CCSAP: variants seen among roughly 807,000 people sequenced by gnomAD.
The protein encoded by CCSAP is centriole, cilia and spindle-associated protein.
Under a neutral mutation model 25.9 loss-of-function variants are expected in CCSAP, and 17 were observed. The observed-to-expected ratio is 0.66, with a 90% CI of 0.45 to 0.99. CCSAP has a LOEUF of 0.99. Among genes scored for constraint, CCSAP ranks in the 50% least tolerant of loss-of-function variants. The pLI is 0.00. For synonymous variants in CCSAP, 169 were observed against 157.1 expected (o/e 1.08, Z -0.57); for missense variants, 339 against 367.8 (o/e 0.92, Z 0.64).
rs1360945024 is a variant in CCSAP, at chr1:229,326,879, T to C, written c.495A>G (p.Lys165=). 6.2e-7 allele frequency: 1 copy of C among 1,614,216 alleles called. No individual in the cohort carries two copies. Among genetic ancestry groups the C allele is most frequent in the South Asian group, 1.1e-5 (1 of 91,090 alleles). ...ATGATCTTTGGGGACTTTTGACCGC[T>C]TTCCTGTTTCCTCTAGCAAATAAGG... ...PSALFARGNR[K]AVKSPQRSSS... Residue 165 remains lysine, a synonymous_variant, in exon 3 of 4, where the codon AAA becomes AAG. Transcript: ENST00000284617.
intron 2 of CCSAP, among the ~76,000 whole-genome samples, chr1:229,331,270 C>G (rs1211205857): frequency 6.6e-6 from 1 of 152,004 alleles, no homozygotes; most frequent in African/African-American, 2.4e-5. Context: ...AGCAAAAGGC[C>G]TGAAATCCAA....
Position 229,342,618 on chromosome 1 carries a change from G to C in CCSAP, c.-48-105C>G. On this transcript the variant is annotated intron_variant, in intron 1 of 3. Transcript: ENST00000284617. This position sits in a 1 kb window ranked among gnomAD's most constrained non-coding sequence, Gnocchi z 7.5. ...CCCGCCCGGACGGGAGCAGGGGGCG[G>C]GTCCCGGCGAGGGCGGGGAGGGGGC... 1 of 470,560 alleles carries C rather than the reference G, an allele frequency of 2.1e-6. No homozygotes were observed. Among genetic ancestry groups the C allele is most frequent in the Non-Finnish European group, 3.4e-6 (1 of 297,168 alleles). 29.1% of individuals were successfully genotyped at this position (470,560 alleles called of 1,614,324 possible).
intron 2 of CCSAP, among the ~76,000 whole-genome samples, chr1:229,337,678 A>AAAAAAAAAAAAAAATATATATAT: frequency 1.5e-5 from 1 of 65,512 alleles, no homozygotes; most frequent in Admixed American, 1.9e-4. Context: ...CTCAAAAAAA[A>AAAAAAAAAAAAAAATATATATAT]ATATATATAT....
intron 2 of CCSAP, among the ~76,000 whole-genome samples, chr1:229,329,944 T>C (rs939597249): frequency 6.6e-6 from 1 of 151,792 alleles, no homozygotes; most frequent in African/African-American, 2.4e-5. Context: ...TGAGCCGAGA[T>C]TGCACCATTG....
At chr1:229,341,331 C>G (rs977402947) in intron 2 of CCSAP, among the ~76,000 whole-genome samples, 1 of 152,158 alleles carries the variant, frequency 6.6e-6, no homozygotes, top group Admixed American at 6.5e-5. Context: ...TTTCCTCACT[C>G]GAGCCTTTTT....
intron 2 of CCSAP, among the ~76,000 whole-genome samples, chr1:229,329,863 C>T (rs564859957): frequency 9.2e-5 from 14 of 152,242 alleles, no homozygotes; most frequent in Admixed American, 3.3e-4. Flanking sequence ...TGGTGGTACA[C>T]GCCTGTGATC....
At chr1:229,336,779 C>T (rs1169113151) in intron 2 of CCSAP, among the ~76,000 whole-genome samples, 2 of 152,020 alleles carry the variant, frequency 1.3e-5, no homozygotes, top group East Asian at 3.8e-4. Context: ...TATTTCTGGC[C>T]TTTTTCTTTT....
intron 3 of CCSAP, among the ~76,000 whole-genome samples, chr1:229,325,733 A>G (rs1037325903): frequency 4.6e-5 from 7 of 152,284 alleles, no homozygotes; most frequent in African/African-American, 9.6e-5. Flanking sequence ...AGCATTAAAC[A>G]TAAGTATTTA....
Position 229,342,212 on chromosome 1 carries a change from ACGG to A in CCSAP, c.251_253del (p.Pro84_Val85delinsLeu). 8.0e-7 allele frequency: 1 copy of A among 1,253,574 alleles called. No individual in the cohort carries two copies. The highest frequency in any genetic ancestry group is 1.0e-6 in the Non-Finnish European group (1 of 1,001,556). The allele number at this position is 1,253,574 out of a possible 1,614,324, so 77.7% of individuals were successfully genotyped here. A position where few individuals can be genotyped will look rare whatever the true frequency, so the allele number is the denominator to read the frequency against. ...CGCCTCCTCCTGGGTCGCCGGCTCT[ACGG>A]GCGGCGGGGGCGAGGGCGGGGCGCA... On this transcript the variant is annotated inframe_deletion, in exon 2 of 4. Coordinates refer to ENST00000284617, the MANE Select transcript of CCSAP (RefSeq NM_145257.5). The surrounding 1 kb of genome is among the most constrained non-coding windows in gnomAD (Gnocchi z 7.5).
chr1:229,328,838 C>T (rs562633800), intron 2 of CCSAP, among the ~76,000 whole-genome samples: 2 of 152,320 alleles, frequency 1.3e-5, no homozygotes, highest in South Asian at 4.1e-4. Context: ...TCTAGCAAAC[C>T]ATTACATTTA....
At chr1:229,329,511 G>A (rs1437156898) in intron 2 of CCSAP, among the ~76,000 whole-genome samples, 1 of 152,140 alleles carries the variant, frequency 6.6e-6, no homozygotes, top group Non-Finnish European at 1.5e-5. Context: ...TTTTATCTTG[G>A]AGATGAAGAA....
chr1:229,323,556 A>T lies in CCSAP; in HGVS notation c.*1679T>A, dbSNP rs1174337214. The T allele has an allele frequency of 6.6e-6, 1 of 152,250 alleles. No individual in the cohort carries two copies. Among genetic ancestry groups the T allele is most frequent in the African/African-American group, 2.4e-5 (1 of 41,468 alleles). 9.4% of individuals were successfully genotyped at this position (152,250 alleles called of 1,614,324 possible). A position where few individuals can be genotyped will look rare whatever the true frequency, so the allele number is the denominator to read the frequency against. ...GGTACCTGTGTCGTTTAAAGACTTT[A>T]ATAATAGTTAATACCAAAATTCACC... On this transcript the variant is annotated 3_prime_UTR_variant, in exon 4 of 4. Coordinates refer to ENST00000284617, the MANE Select transcript of CCSAP (RefSeq NM_145257.5).
At position 229,322,107 on chromosome 1, in the gene CCSAP, C is replaced by A. The variant is rs536231017; in HGVS notation, c.*3128G>T. 1.6e-4 allele frequency: 24 copies of A among 152,294 alleles called. No individual in the cohort carries two copies. Among genetic ancestry groups the A allele is most frequent in the African/African-American group, 5.8e-4 (24 of 41,566 alleles). The allele number at this position is 152,294 out of a possible 1,614,324, so 9.4% of individuals were successfully genotyped here. A position where few individuals can be genotyped will look rare whatever the true frequency, so the allele number is the denominator to read the frequency against. ...TAAGGGAGGCCTGGAACCAATGCCCCATGGATACTGAGAGGCGACTGTACC... is the reference window on the plus strand; with the variant it reads ...TAAGGGAGGCCTGGAACCAATGCCCAATGGATACTGAGAGGCGACTGTACC... On this transcript the variant is annotated 3_prime_UTR_variant, in exon 4 of 4. Transcript: ENST00000284617.
At chr1:229,329,951 A>G (rs1446848943) in intron 2 of CCSAP, among the ~76,000 whole-genome samples, 1 of 152,152 alleles carries the variant, frequency 6.6e-6, no homozygotes, top group Non-Finnish European at 1.5e-5. Context: ...AGATTGCACC[A>G]TTGCACTCCA....
At position 229,342,371 on chromosome 1, in the gene CCSAP, T is replaced by C; in HGVS notation, c.95A>G (p.His32Arg). The C allele has an allele frequency of 6.6e-7, 1 of 1,509,048 alleles. No homozygotes were observed. Among genetic ancestry groups the C allele is most frequent in the Non-Finnish European group, 8.9e-7 (1 of 1,127,154 alleles). The allele number at this position is 1,509,048 out of a possible 1,614,324, so 93.5% of individuals were successfully genotyped here. ...EYGPCYRELL[H>R]YRLGRRLLEQ... ...CAGCAGCCGGCGGCCTAGGCGGTAG[T>C]GCAGCAGCTCGCGGTAGCACGGCCC... Residue 32 changes from histidine to arginine, a missense_variant, in exon 2 of 4, where the codon CAC becomes CGC. Coordinates refer to ENST00000284617, the MANE Select transcript of CCSAP (RefSeq NM_145257.5). This position sits in a 1 kb window ranked among gnomAD's most constrained non-coding sequence, Gnocchi z 7.5.
At position 229,342,053 on chromosome 1, in the gene CCSAP, C is replaced by T; in HGVS notation, c.367+46G>A. The T allele has an allele frequency of 2.3e-6, 3 of 1,299,722 alleles. No homozygotes were observed. The highest frequency in any genetic ancestry group is 2.9e-5 in the South Asian group (1 of 34,062). 80.5% of individuals were successfully genotyped at this position (1,299,722 alleles called of 1,614,324 possible). ...TCAGCTGCTCAGAGCTTAGAGCAAACCGTCCCTGCGTGCAGGCCCCTCGCG... is the reference window on the plus strand; with the variant it reads ...TCAGCTGCTCAGAGCTTAGAGCAAATCGTCCCTGCGTGCAGGCCCCTCGCG... On this transcript the variant is annotated intron_variant, in intron 2 of 3. Transcript: ENST00000284617. The surrounding 1 kb of genome is among the most constrained non-coding windows in gnomAD (Gnocchi z 7.5).
chr1:229,340,922 A>C (rs1454441931), intron 2 of CCSAP, among the ~76,000 whole-genome samples: 1 of 152,150 alleles, frequency 6.6e-6, no homozygotes, highest in Non-Finnish European at 1.5e-5. Context: ...AGGGCCGGGC[A>C]TGGTGGCTCA....
rs1658366036 is a variant in CCSAP, at chr1:229,342,576, A to G, written c.-48-63T>C. On this transcript the variant is annotated intron_variant, in intron 1 of 3. Transcript: ENST00000284617. This position sits in a 1 kb window ranked among gnomAD's most constrained non-coding sequence, Gnocchi z 7.5. ...CCCTCCGCCGGCCCTGCCCGCCGCG[A>G]CGTTTAAACCCGGAGCCCCGCCCGG... The G allele has an allele frequency of 1.4e-6, 1 of 714,734 alleles. No individual in the cohort carries two copies. Among genetic ancestry groups the G allele is most frequent in the Admixed American group, 4.4e-5 (1 of 22,608 alleles). The allele number at this position is 714,734 out of a possible 1,614,324, so 44.3% of individuals were successfully genotyped here. A position where few individuals can be genotyped will look rare whatever the true frequency, so the allele number is the denominator to read the frequency against.
chr1:229,337,678 A>AAAATATATATAT, intron 2 of CCSAP, among the ~76,000 whole-genome samples: 1 of 65,548 alleles, frequency 1.5e-5, no homozygotes, highest in African/African-American at 6.0e-5. Flanking sequence ...CTCAAAAAAA[A>AAAATATATATAT]ATATATATAT....
Sources: allele counts gnomAD v4.1 joint callset (sites outside exome capture counted in the v4.1 genomes callset), GRCh38; gene constraint gnomAD v4.1.1; non-coding constraint Gnocchi (gnomAD v3.1); transcripts MANE v1.5; gene names NCBI Gene and HGNC (gene_info 2026-07-23, HGNC 2026-07-21).